ADGRL2: variants seen among roughly 807,000 people sequenced by gnomAD.
The protein encoded by ADGRL2 is adhesion G protein-coupled receptor L2.
ADGRL2 carries 44 observed loss-of-function variants against 157.4 expected under a neutral mutation model. The observed-to-expected ratio is 0.28, with a 90% confidence interval of 0.22 to 0.36. ADGRL2 has a LOEUF of 0.36. Ranked by LOEUF, ADGRL2 falls within the 10% of genes least tolerant of loss-of-function variation. The probability of loss-of-function intolerance (pLI) is 1.00; values close to 1 mark genes in which losing one functional copy is unlikely to be tolerated. For synonymous variants in ADGRL2, 585 were observed against 624.7 expected (o/e 0.94, Z 0.95); for missense variants, 1,510 against 1,768.9 (o/e 0.85, Z 2.63).
At chr1:81,799,469 G>C (rs931556037), upstream of ADGRL2, among the ~76,000 whole-genome samples, 3 of 152,074 alleles carry the variant, frequency 2.0e-5, no homozygotes, top group African/African-American at 7.2e-5. Context: ...TAGTTATTTG[G>C]ACACACGTAC....
chr1:81,889,248 C>T (rs1048727470), intron 2 of ADGRL2, among the ~76,000 whole-genome samples: 2 of 152,202 alleles, frequency 1.3e-5, no homozygotes, highest in African/African-American at 4.8e-5. Context: ...AACGAAATCT[C>T]GGCCTCTTGT....
At chr1:81,404,599 A>G (rs1377163946) in intron 1 of ADGRL2, among the ~76,000 whole-genome samples, 2 of 152,250 alleles carry the variant, frequency 1.3e-5, no homozygotes, top group Admixed American at 6.5e-5. Flanking sequence ...TTGAATAAGT[A>G]TAAAGCAATG....
At position 81,510,256 on chromosome 1, in the gene ADGRL2, A is replaced by G. The variant is rs531392278; in HGVS notation, c.-248+65167A>G. Among the ~76,000 whole-genome samples the G allele has an allele frequency of 2.1e-4, 32 of 152,270 alleles. No individual in the cohort carries two copies. The South Asian group carries it at 6.0e-3, about 29-fold the overall frequency. On this transcript the variant is annotated intron_variant, in intron 2 of 24. Coordinates refer to the ADGRL2 transcript ENST00000370721. ...TAATGTGAAAACTGAATATAATAAT[A>G]ATATTTATCAGGTGCATATCCTCTA...
chr1:81,811,676 T>A (rs2089885878), intron 1 of ADGRL2, among the ~76,000 whole-genome samples: 2 of 151,920 alleles, frequency 1.3e-5, no homozygotes, highest in South Asian at 4.1e-4. Context: ...AGTTTTTTTT[T>A]AATTGAAATG....
intron 2 of ADGRL2, among the ~76,000 whole-genome samples, chr1:81,873,230 C>A (rs2093744435): frequency 6.6e-6 from 1 of 151,990 alleles, no homozygotes; most frequent in Non-Finnish European, 1.5e-5. Flanking sequence ...AACTGAAAAT[C>A]TTCTGTCCTG....
At chr1:81,398,121 T>C (rs1459610789) in intron 1 of ADGRL2, among the ~76,000 whole-genome samples, 1 of 152,214 alleles carries the variant, frequency 6.6e-6, no homozygotes, top group African/African-American at 2.4e-5. Flanking sequence ...GATATAAGTA[T>C]AGCTACTTCT....
chr1:81,716,573 G>A (rs1216792928), intron 1 of ADGRL2, among the ~76,000 whole-genome samples: 4 of 152,014 alleles, frequency 2.6e-5, no homozygotes, highest in African/African-American at 9.7e-5. Flanking sequence ...TGGCACTTTT[G>A]GAGAAAAATC....
chr1:81,387,077 G>A (rs950238591), intron 1 of ADGRL2, among the ~76,000 whole-genome samples: 2 of 152,102 alleles, frequency 1.3e-5, no homozygotes, highest in African/African-American at 4.8e-5. Flanking sequence ...CCTCATTTTG[G>A]AATTAACGTT....
intron 3 of ADGRL2, among the ~76,000 whole-genome samples, chr1:81,651,965 C>T (rs1411687497): frequency 1.3e-5 from 2 of 152,056 alleles, no homozygotes; most frequent in East Asian, 1.9e-4. Context: ...CCTCGGCCTC[C>T]CAAAGTGTGA....
intron 1 of ADGRL2, among the ~76,000 whole-genome samples, chr1:81,816,699 T>C (rs2090438582): frequency 6.6e-6 from 1 of 152,124 alleles, no homozygotes; most frequent in East Asian, 1.9e-4. Context: ...TTTACAGTAC[T>C]TTCATGTTTG....
intron 1 of ADGRL2, among the ~76,000 whole-genome samples, chr1:81,420,368 T>C (rs1044866912): frequency 1.3e-5 from 2 of 152,220 alleles, no homozygotes; most frequent in African/African-American, 4.8e-5. Flanking sequence ...TATCTAAATA[T>C]CTTCTAAAAC....
intron 1 of ADGRL2, among the ~76,000 whole-genome samples, chr1:81,746,960 AT>A (rs2085279322): frequency 6.8e-6 from 1 of 146,818 alleles, no homozygotes; most frequent in Non-Finnish European, 1.5e-5. Flanking sequence ...GTATATACGT[AT>A]ATACACACGT....
At chr1:81,879,516 A>T (rs2093930851) in intron 2 of ADGRL2, among the ~76,000 whole-genome samples, 2 of 146,892 alleles carry the variant, frequency 1.4e-5, no homozygotes, top group South Asian at 4.3e-4. Context: ...CCCAGAATTT[A>T]AAAAAAAAAA....
chr1:81,795,503 AT>A (rs1557657734), upstream of ADGRL2, among the ~76,000 whole-genome samples: 1 of 152,224 alleles, frequency 6.6e-6, no homozygotes, highest in Non-Finnish European at 1.5e-5. Flanking sequence ...GTATGAAAAC[AT>A]TATAAGTGTT....
chr1:81,943,279 T>G lies in ADGRL2; in HGVS notation c.720T>G (p.Thr240=). 3 of 1,613,604 alleles carry G rather than the reference T, an allele frequency of 1.9e-6. No homozygotes were observed. The highest frequency in any genetic ancestry group is 2.5e-6 in the Non-Finnish European group (3 of 1,179,694). Residue 240 remains threonine, a synonymous_variant, in exon 6 of 24, where the codon ACT becomes ACG. Coordinates refer to ENST00000686636, the MANE Select transcript of ADGRL2 (RefSeq NM_001366006.2). This position sits in a 1 kb window ranked among gnomAD's most constrained non-coding sequence, Gnocchi z 5.6. The part of the protein sequence containing the change: ...TRNIVKFDLR[T]RIKSGEAIIN... ...ATATTGTGAAATTTGACTTGAGGAC[T>G]AGAATTAAGAGTGGCGAGGCCATAA...
At chr1:81,616,335 G>T (rs946476196) in intron 3 of ADGRL2, among the ~76,000 whole-genome samples, 1 of 152,166 alleles carries the variant, frequency 6.6e-6, no homozygotes, top group Non-Finnish European at 1.5e-5. Flanking sequence ...GAGCTGCCTA[G>T]GTTGCCCTAA....
At chr1:81,468,743 A>G (rs140340801) in intron 2 of ADGRL2, among the ~76,000 whole-genome samples, 20 of 152,298 alleles carry the variant, frequency 1.3e-4, no homozygotes, top group Non-Finnish European at 2.1e-4. Flanking sequence ...GGATTTTTGA[A>G]TATGTTGTGA....
chr1:81,693,301 G>C (rs905007278), intron 3 of ADGRL2, among the ~76,000 whole-genome samples: 1 of 152,084 alleles, frequency 6.6e-6, no homozygotes, highest in Non-Finnish European at 1.5e-5. Context: ...TCCACTTAAA[G>C]TTCCCCTGCT....
At chr1:81,516,395 A>G (rs568876801) in intron 2 of ADGRL2, among the ~76,000 whole-genome samples, 21 of 152,282 alleles carry the variant, frequency 1.4e-4, no homozygotes, top group African/African-American at 4.1e-4. Context: ...ACTCAAATGC[A>G]CGTCTTGTTC....
Sources: gnomAD v4.1 joint callset for allele counts (sites outside exome capture counted in the v4.1 genomes callset) on GRCh38, gnomAD v4.1.1 for gene constraint, Gnocchi (gnomAD v3.1) non-coding constraint, MANE v1.5 for transcripts, NCBI Gene and HGNC (gene_info 2026-07-23, HGNC 2026-07-21) for gene names.